SHLD1: variants seen among roughly 807,000 people sequenced by gnomAD.
The protein encoded by SHLD1 is shieldin complex subunit 1, also known as RINN1-REV7-interacting novel NHEJ regulator 3.
In SHLD1, 3 loss-of-function variants were observed where a neutral mutation model predicts 5.5. The ratio of observed to expected loss-of-function variants is 0.54; its 90% confidence interval spans 0.25 to 1.40. SHLD1 has a LOEUF of 1.40. Ranked by LOEUF, SHLD1 falls within the 40% of genes most tolerant of loss-of-function variation. The pLI is 0.15. For synonymous variants in SHLD1, 92 were observed against 94.3 expected (o/e 0.98, Z 0.14); for missense variants, 210 against 244.4 (o/e 0.86, Z 0.94).
intron 2 of SHLD1, among the ~76,000 whole-genome samples, chr20:5,781,665 G>A (rs975894495): frequency 6.6e-6 from 1 of 152,020 alleles, no homozygotes; most frequent in African/African-American, 2.4e-5. Flanking sequence ...TTTTAGTAGA[G>A]ACAGGGTTTC....
At chr20:5,846,693 C>T (rs2087936632) in intron 2 of SHLD1, among the ~76,000 whole-genome samples, 1 of 152,206 alleles carries the variant, frequency 6.6e-6, no homozygotes, top group South Asian at 2.1e-4. Context: ...GACAGCTTTG[C>T]CTCCTGAGAG....
chr20:5,754,236 G>A (rs1403444342), intron 1 of SHLD1, among the ~76,000 whole-genome samples: 1 of 152,074 alleles, frequency 6.6e-6, no homozygotes, highest in Non-Finnish European at 1.5e-5. Context: ...TCAGCCTTCT[G>A]AGTAGCTAGG....
intron 1 of SHLD1, among the ~76,000 whole-genome samples, chr20:5,764,123 TC>T (rs1173162134): frequency 6.2e-5 from 3 of 48,640 alleles, no homozygotes; most frequent in South Asian, 1.4e-3. Context: ...CAAGGCTCTG[TC>T]TCAAAAAAAA....
chr20:5,822,711 C>T (rs1356472364), intron 2 of SHLD1, among the ~76,000 whole-genome samples: 2 of 151,976 alleles, frequency 1.3e-5, no homozygotes, highest in African/African-American at 4.8e-5. Flanking sequence ...CTCTCCTAGT[C>T]ATGGACTTCA....
chr20:5,791,005 A>G (rs2087130327), intron 2 of SHLD1, among the ~76,000 whole-genome samples: 2 of 152,124 alleles, frequency 1.3e-5, no homozygotes, highest in South Asian at 4.2e-4. Context: ...TCTACAAAAA[A>G]TAAAAAAATT....
At chr20:5,765,769 C>CTTTTTT (rs756234026) in intron 1 of SHLD1, among the ~76,000 whole-genome samples, 2 of 62,092 alleles carry the variant, frequency 3.2e-5, no homozygotes, top group Non-Finnish European at 2.8e-5. Context: ...CGCACAAATC[C>CTTTTTT]TTTTTTTTTT....
chr20:5,786,933 A>C (rs1452913873), intron 2 of SHLD1, among the ~76,000 whole-genome samples: 1 of 152,106 alleles, frequency 6.6e-6, no homozygotes, highest in Non-Finnish European at 1.5e-5. Context: ...GGATCCTCTC[A>C]TGTGTGCCTC....
chr20:5,816,719 C>A (rs879034053), intron 2 of SHLD1, among the ~76,000 whole-genome samples: 1 of 152,150 alleles, frequency 6.6e-6, no homozygotes, highest in Non-Finnish European at 1.5e-5. Flanking sequence ...ATAAAAGGAC[C>A]AGTTTAAAAA....
At chr20:5,781,118 C>G (rs1403119591) in intron 2 of SHLD1, among the ~76,000 whole-genome samples, 6 of 152,304 alleles carry the variant, frequency 3.9e-5, no homozygotes, top group Admixed American at 3.3e-4. Flanking sequence ...TCCCACCCAG[C>G]CACTCCTCAT....
At chr20:5,833,640 G>A (rs958918620) in intron 2 of SHLD1, among the ~76,000 whole-genome samples, 1 of 151,064 alleles carries the variant, frequency 6.6e-6, no homozygotes, top group Non-Finnish European at 1.5e-5. Context: ...ACAGAGACAG[G>A]GAGAAACAGA....
chr20:5,794,749 G>A (rs1292706089), intron 2 of SHLD1, among the ~76,000 whole-genome samples: 1 of 152,156 alleles, frequency 6.6e-6, no homozygotes, highest in Non-Finnish European at 1.5e-5. Context: ...CCATGTTTGT[G>A]AGACTGTATT....
chr20:5,822,514 T>C (rs896240423), intron 2 of SHLD1, among the ~76,000 whole-genome samples: 3 of 145,056 alleles, frequency 2.1e-5, no homozygotes, highest in African/African-American at 7.4e-5. Context: ...CTCAGAGCTG[T>C]GTTGCTTTGT....
chr20:5,795,246 A>G (rs997327967), intron 2 of SHLD1, among the ~76,000 whole-genome samples: 1 of 149,004 alleles, frequency 6.7e-6, no homozygotes, highest in Non-Finnish European at 1.5e-5. Context: ...CTCAAAAAAA[A>G]CAAAAACAAA....
At chr20:5,795,058 G>A (rs2087191642) in intron 2 of SHLD1, among the ~76,000 whole-genome samples, 1 of 151,644 alleles carries the variant, frequency 6.6e-6, no homozygotes, top group South Asian at 2.1e-4. Flanking sequence ...GGCCAACATG[G>A]TGAAACTCTG....
intron 2 of SHLD1, among the ~76,000 whole-genome samples, chr20:5,786,610 C>T (rs1230067152): frequency 6.6e-6 from 1 of 151,982 alleles, no homozygotes; most frequent in African/African-American, 2.4e-5. Flanking sequence ...GAAAAATTAT[C>T]TGACCTACTT....
intron 1 of SHLD1, among the ~76,000 whole-genome samples, chr20:5,758,946 G>T: frequency 7.1e-6 from 1 of 141,568 alleles, no homozygotes; most frequent in Admixed American, 7.2e-5. Flanking sequence ...CATCTTTCTT[G>T]ACAAGTTTTT....
chr20:5,763,323 T>C (rs1416374804), intron 1 of SHLD1, among the ~76,000 whole-genome samples: 2 of 147,670 alleles, frequency 1.4e-5, no homozygotes, highest in African/African-American at 5.0e-5. Context: ...GAACTGTGCC[T>C]GTAAGATAAG....
At chr20:5,816,239 A>C (rs1180819548) in intron 2 of SHLD1, among the ~76,000 whole-genome samples, 1 of 152,140 alleles carries the variant, frequency 6.6e-6, no homozygotes, top group East Asian at 1.9e-4. Context: ...TTGTGATTTT[A>C]TTGTAAATGT....
Position 5,772,773 on chromosome 20 carries a change from C to A in SHLD1, c.-4-89C>A, listed in dbSNP as rs1985235482. The A allele has an allele frequency of 4.8e-6, 6 of 1,237,150 alleles. No individual in the cohort carries two copies. The South Asian group carries it at 6.6e-5, about 14-fold the overall frequency. 76.6% of individuals were successfully genotyped at this position (1,237,150 alleles called of 1,614,324 possible). ...CAAAAATAAAAATAAAAATAAAAAA[C>A]AAATAAAATTCTTCAAGCTCTGTCT... On this transcript the variant is annotated intron_variant, in intron 1 of 2. Coordinates refer to ENST00000303142, the MANE Select transcript of SHLD1 (RefSeq NM_152504.4).
Sources: gnomAD v4.1 joint callset for allele counts (sites outside exome capture counted in the v4.1 genomes callset) on GRCh38, gnomAD v4.1.1 for gene constraint, MANE v1.5 for transcripts, NCBI Gene and HGNC (gene_info 2026-07-23, HGNC 2026-07-21) for gene names.